SYT17: variants seen among roughly 807,000 people sequenced by gnomAD.
SYT17 encodes the protein synaptotagmin 17, also known as synaptotagmin-17.
SYT17 carries 22 observed loss-of-function variants against 46.7 expected under a neutral mutation model. The observed-to-expected ratio is 0.47, with a 90% confidence interval of 0.34 to 0.67. The LOEUF (loss-of-function observed/expected upper bound fraction) is 0.67, where lower values mean the gene tolerates loss of function less well. SYT17 is among the 30% of genes least tolerant of loss of function. The probability of loss-of-function intolerance (pLI) is 0.01; values close to 1 mark genes in which losing one functional copy is unlikely to be tolerated. For missense variants in SYT17, 519 were observed against 612.8 expected (o/e 0.85, Z 1.62); for synonymous variants, 251 against 248.4 (o/e 1.01, Z -0.10).
At chr16:19,222,362 G>A (rs1033139506) in intron 5 of SYT17, among the ~76,000 whole-genome samples, 1 of 152,004 alleles carries the variant, frequency 6.6e-6, no homozygotes. Flanking sequence ...TTGGCAGTAT[G>A]GAGTCATGCA....
At position 19,168,636 on chromosome 16, in the gene SYT17, C is replaced by T; in HGVS notation, c.-11C>T. The T allele has an allele frequency of 3.9e-6, 6 of 1,538,018 alleles. No individual in the cohort carries two copies. Among genetic ancestry groups the T allele is most frequent in the Non-Finnish European group, 5.3e-6 (6 of 1,140,488 alleles). On this transcript the variant is annotated 5_prime_UTR_variant, in exon 1 of 8. Coordinates refer to ENST00000355377, the MANE Select transcript of SYT17 (RefSeq NM_016524.4). This position sits in a 1 kb window ranked among gnomAD's most constrained non-coding sequence, Gnocchi z 6.9. Reference sequence around the variant, plus strand: ...CCATGCCCGGGCCGGAGTGAGTGCGCGCGGGCGAAAATGGCGTACATCCAG... The same window carrying T: ...CCATGCCCGGGCCGGAGTGAGTGCGTGCGGGCGAAAATGGCGTACATCCAG...
Position 19,168,570 on chromosome 16 carries a change from C to T in SYT17, c.-77C>T. The T allele has an allele frequency of 6.5e-7, 1 of 1,538,224 alleles. No individual in the cohort carries two copies. The highest frequency in any genetic ancestry group is 1.2e-5 in the South Asian group (1 of 83,706). On this transcript the variant is annotated 5_prime_UTR_variant, in exon 1 of 8. Coordinates refer to ENST00000355377, the MANE Select transcript of SYT17 (RefSeq NM_016524.4). This position sits in a 1 kb window ranked among gnomAD's most constrained non-coding sequence, Gnocchi z 6.9. ...TCTTCCTTTCCCCCTTTGCTTTCTT[C>T]CCCCTCCGCTGTTGGCGAGGGCAAA... is the stretch of plus-strand genomic sequence containing the variant.
chr16:19,168,711 C>A lies in SYT17; in HGVS notation c.15+50C>A. 7.0e-7 allele frequency: 1 copy of A among 1,433,526 alleles called. No individual in the cohort carries two copies. The highest frequency in any genetic ancestry group is 1.4e-5 in the South Asian group (1 of 69,040). The allele number at this position is 1,433,526 out of a possible 1,614,324, so 88.8% of individuals were successfully genotyped here. A position where few individuals can be genotyped will look rare whatever the true frequency, so the allele number is the denominator to read the frequency against. On this transcript the variant is annotated intron_variant, in intron 1 of 7. Coordinates refer to ENST00000355377, the MANE Select transcript of SYT17 (RefSeq NM_016524.4). The surrounding 1 kb of genome is among the most constrained non-coding windows in gnomAD (Gnocchi z 6.9). ...TCCGGGGTGCGGGTAGGGGGTGCCG[C>A]GCCCCCTCCGGCTGGGAGCGCGCGG... is the stretch of plus-strand genomic sequence containing the variant.
chr16:19,245,111 A>G (rs1967441987), intron 7 of SYT17, among the ~76,000 whole-genome samples: 1 of 152,154 alleles, frequency 6.6e-6, no homozygotes, highest in African/African-American at 2.4e-5. Flanking sequence ...ATGCCACCAA[A>G]TTCCAGGCTG....
intron 7 of SYT17, chr16:19,250,061 T>C (rs1967930395): frequency 1.3e-6 from 2 of 1,533,534 alleles, no homozygotes; most frequent in East Asian, 2.5e-5. Flanking sequence ...GTAAAGGCAA[T>C]AAAAGTAGAA....
At chr16:19,209,050 G>T (rs1400370477) in intron 5 of SYT17, among the ~76,000 whole-genome samples, 1 of 151,770 alleles carries the variant, frequency 6.6e-6, no homozygotes, top group Non-Finnish European at 1.5e-5. Context: ...TGTATTTTTA[G>T]TAGAGATGGA....
rs995059087 is a variant in SYT17 at position 19,240,810 on chromosome 16, C to G, written c.1228+15972C>G. Among the ~76,000 whole-genome samples, 3 of 152,232 alleles carry G rather than the reference C, an allele frequency of 2.0e-5. No individual in the cohort carries two copies. In the East Asian group the frequency reaches 5.8e-4, roughly 29 times the overall value. On this transcript the variant is annotated intron_variant, in intron 7 of 7. Coordinates refer to ENST00000355377, the MANE Select transcript of SYT17 (RefSeq NM_016524.4). ...CAGTGGTAGGCTGTCCTTGGCCCCTCCTCAGCCTCCCCGTCATACTTGCTG... is the reference window on the plus strand; with the variant it reads ...CAGTGGTAGGCTGTCCTTGGCCCCTGCTCAGCCTCCCCGTCATACTTGCTG...
At chr16:19,243,431 G>A (rs1259534454) in intron 7 of SYT17, among the ~76,000 whole-genome samples, 2 of 152,096 alleles carry the variant, frequency 1.3e-5, no homozygotes, top group East Asian at 3.9e-4. Context: ...ATGACTTGTG[G>A]GTGGGTTCCT....
In SYT17 at chr16:19,239,997, G is replaced by A. The variant is rs997876708; in HGVS notation, c.1228+15159G>A. Among the ~76,000 whole-genome samples the A allele has an allele frequency of 3.3e-5, 5 of 152,314 alleles. 1 individual carries two copies. In the East Asian group the frequency reaches 5.8e-4, roughly 18 times the overall value. On this transcript the variant is annotated intron_variant, in intron 7 of 7. Transcript: ENST00000355377. Reference sequence around the variant, plus strand: ...CAGGATCACCACAAGCAGCTTCAACGGCTGGCACCGGGGAACACAGTGGTG... The same window carrying A: ...CAGGATCACCACAAGCAGCTTCAACAGCTGGCACCGGGGAACACAGTGGTG...
At chr16:19,236,434 G>A (rs74717065) in intron 7 of SYT17, among the ~76,000 whole-genome samples, 1 of 152,264 alleles carries the variant, frequency 6.6e-6, no homozygotes, top group East Asian at 1.9e-4. Context: ...CAGAGTGAGA[G>A]AACAGTTCAC....
rs574779898 is a variant in SYT17, at chr16:19,202,848, C to A, written c.951+18701C>A. On this transcript the variant is annotated intron_variant, in intron 5 of 7. Transcript: ENST00000355377. ...TCAAGCAATCCTCCCACCTCAGCCT[C>A]CAGAATAGCTGGGACTACAGGCATG... Among the ~76,000 whole-genome samples the A allele has an allele frequency of 4.6e-5, 7 of 152,260 alleles. No individual in the cohort carries two copies. In the South Asian group the frequency reaches 1.5e-3, roughly 32 times the overall value.
At position 19,168,328 on chromosome 16, in the gene SYT17, G is replaced by A. The variant is rs776573517; in HGVS notation, c.-319G>A. The stretch of plus-strand genomic sequence containing the variant: ...CCCGGGCTGCTTGCCCAGGCGCCCC[G>A]GCCTTATTCCAGCCTGGGGAGCGCC... On this transcript the variant is annotated 5_prime_UTR_variant, in exon 1 of 8. Transcript: ENST00000355377. The surrounding 1 kb of genome is among the most constrained non-coding windows in gnomAD (Gnocchi z 6.9). 1.2e-4 allele frequency: 51 copies of A among 412,382 alleles called. 2 individuals carry two copies. Among genetic ancestry groups the A allele is most frequent in the South Asian group, 1.2e-3 (38 of 30,946 alleles). The allele number at this position is 412,382 out of a possible 1,614,324, so 25.5% of individuals were successfully genotyped here.
At chr16:19,234,724 ATC>A (rs1480551972) in intron 7 of SYT17, among the ~76,000 whole-genome samples, 1 of 152,202 alleles carries the variant, frequency 6.6e-6, no homozygotes, top group East Asian at 1.9e-4. Context: ...AAGTGTAGCA[ATC>A]ATTCTTTTTA....
rs561780913 is a variant in SYT17 at position 19,178,376 on chromosome 16, T to C, written c.183-2015T>C. The stretch of plus-strand genomic sequence containing the variant: ...CTGGGATTACAGACGTGAGCCACCG[T>C]GCCCGCCCAGTTTCAAGTGATTCTC... On this transcript the variant is annotated intron_variant, in intron 3 of 7. Transcript: ENST00000355377. Among the ~76,000 whole-genome samples the C allele has an allele frequency of 1.2e-4, 18 of 151,944 alleles. 1 individual carries two copies. The East Asian group carries it at 2.9e-3, about 24-fold the overall frequency.
intron 7 of SYT17, among the ~76,000 whole-genome samples, chr16:19,253,796 C>T (rs1327180575): frequency 6.6e-6 from 1 of 152,060 alleles, no homozygotes; most frequent in Non-Finnish European, 1.5e-5. Context: ...GGCACGATCT[C>T]GGCTCACTGT....
intron 5 of SYT17, among the ~76,000 whole-genome samples, chr16:19,202,787 C>T (rs571555189): frequency 1.3e-4 from 20 of 152,250 alleles, no homozygotes; most frequent in South Asian, 2.1e-4. Flanking sequence ...AGTGCAGTGG[C>T]GCAATGATGG....
At chr16:19,232,521 C>T (rs1016020373) in intron 7 of SYT17, among the ~76,000 whole-genome samples, 1 of 152,050 alleles carries the variant, frequency 6.6e-6, no homozygotes, top group Non-Finnish European at 1.5e-5. Flanking sequence ...ATTGATTGTG[C>T]CAGTGCATTA....
At chr16:19,194,732 C>T (rs1965166180) in intron 5 of SYT17, among the ~76,000 whole-genome samples, 1 of 152,122 alleles carries the variant, frequency 6.6e-6, no homozygotes, top group South Asian at 2.1e-4. Context: ...GGAGCTTGGA[C>T]CACAGGTGTG....
intron 7 of SYT17, among the ~76,000 whole-genome samples, chr16:19,227,770 G>T (rs1966548208): frequency 6.6e-6 from 1 of 152,090 alleles, no homozygotes. Flanking sequence ...CATTATTCAT[G>T]AATTCAGCAA....
Sources: allele counts gnomAD v4.1 joint callset (sites outside exome capture counted in the v4.1 genomes callset), GRCh38; gene constraint gnomAD v4.1.1; non-coding constraint Gnocchi (gnomAD v3.1); transcripts MANE v1.5; gene names NCBI Gene and HGNC (gene_info 2026-07-23, HGNC 2026-07-21).